The following BLTP2 variants were observed in gnomAD, a reference collection of about 807,000 sequenced individuals.
BLTP2 encodes U937-associated antigen.
the BLTP2 span, chr17:28,619,933 T>A: frequency 6.2e-7 from 1 of 1,614,150 alleles, no homozygotes; most frequent in Non-Finnish European, 8.5e-7. Flanking sequence ...CTCCTGCAAA[T>A]GCAGTATGCT....
At chr17:28,638,639 G>A in the BLTP2 span, 1 of 1,582,406 alleles carries the variant, frequency 6.3e-7, no homozygotes, top group Non-Finnish European at 8.7e-7. Context: ...TTTGGGGGAA[G>A]GTTCTGCATA....
chr17:28,619,590 G>T, the BLTP2 span: 1 of 1,602,932 alleles, frequency 6.2e-7, no homozygotes, highest in Non-Finnish European at 8.5e-7. Flanking sequence ...CAAAACATGG[G>T]CAAGAAAGAG....
At chr17:28,643,898 C>T in the BLTP2 span, among the ~76,000 whole-genome samples, 9 of 152,238 alleles carry the variant, frequency 5.9e-5, 1 homozygote, top group South Asian at 1.7e-3. Context: ...CAACTTGCAG[C>T]GTTCTCCAAC....
At chr17:28,627,970 T>C in the BLTP2 span, among the ~76,000 whole-genome samples, 3 of 152,110 alleles carry the variant, frequency 2.0e-5, no homozygotes, top group African/African-American at 7.2e-5. Context: ...CAACTCCCAT[T>C]TTCTTTTATT....
At chr17:28,637,188 T>C in the BLTP2 span, 5 of 1,608,738 alleles carry the variant, frequency 3.1e-6, no homozygotes, top group Non-Finnish European at 3.4e-6. Context: ...CCAGAAACCA[T>C]GTCAGCCTTG....
At chr17:28,615,751 G>T in the BLTP2 span, 3 of 1,613,992 alleles carry the variant, frequency 1.9e-6, no homozygotes, top group Non-Finnish European at 2.5e-6. Flanking sequence ...ACTCCAGACA[G>T]GGCAGCACCA....
the BLTP2 span, chr17:28,643,210 T>G: frequency 5.0e-6 from 8 of 1,614,076 alleles, no homozygotes; most frequent in Non-Finnish European, 6.8e-6. Flanking sequence ...CAGTTCCTTT[T>G]GATCCACCCC....
At chr17:28,631,062 G>C in the BLTP2 span, among the ~76,000 whole-genome samples, 1 of 152,176 alleles carries the variant, frequency 6.6e-6, no homozygotes, top group Non-Finnish European at 1.5e-5. Flanking sequence ...TACTCCTATG[G>C]ACTTTACTGT....
At chr17:28,643,099 TACCCATA>T in the BLTP2 span, 4 of 1,601,808 alleles carry the variant, frequency 2.5e-6, no homozygotes, top group Non-Finnish European at 3.4e-6. Flanking sequence ...CAGAAAAATC[TACCCATA>T]ACTCCAAAGC....
the BLTP2 span, among the ~76,000 whole-genome samples, chr17:28,627,848 A>G: frequency 1.3e-5 from 2 of 150,912 alleles, no homozygotes; most frequent in Non-Finnish European, 2.9e-5. Context: ...TTTAGTAGAG[A>G]TGGGGTTTTG....
At chr17:28,639,128 G>C in the BLTP2 span, 1 of 637,588 alleles carries the variant, frequency 1.6e-6, no homozygotes, top group East Asian at 2.7e-5. Context: ...AAAACAAAGA[G>C]GACAGCATTC....
chr17:28,621,353 C>T, the BLTP2 span: 1 of 1,529,564 alleles, frequency 6.5e-7, no homozygotes, highest in Non-Finnish European at 9.1e-7. Flanking sequence ...CTTTGGGATG[C>T]ACATCTGCTC....
the BLTP2 span, chr17:28,638,220 GC>G: frequency 6.2e-7 from 1 of 1,605,814 alleles, no homozygotes; most frequent in South Asian, 1.1e-5. Flanking sequence ...GGAAAGCTGT[GC>G]AGGCCCCTAT....
chr17:28,639,884 T>C, the BLTP2 span: 6 of 1,614,114 alleles, frequency 3.7e-6, no homozygotes, highest in South Asian at 1.1e-5. Context: ...TCAGTACCAG[T>C]ACCCCGACCC....
chr17:28,614,883 C>A, the BLTP2 span: 1 of 647,832 alleles, frequency 1.5e-6, no homozygotes, highest in South Asian at 2.0e-5. Flanking sequence ...CAGTGTGAGA[C>A]AGAACTCAGC....
the BLTP2 span, chr17:28,643,348 T>C: frequency 6.2e-7 from 1 of 1,612,432 alleles, no homozygotes; most frequent in Non-Finnish European, 8.5e-7. Flanking sequence ...ACCAGGTCCA[T>C]CCCTCCCATA....
the BLTP2 span, chr17:28,643,788 T>C: frequency 2.0e-6 from 2 of 976,746 alleles, no homozygotes; most frequent in Non-Finnish European, 3.2e-6. Flanking sequence ...AATCCCATCT[T>C]AAATTAGAAC....
chr17:28,618,072 A>G, the BLTP2 span, among the ~76,000 whole-genome samples: 1 of 151,154 alleles, frequency 6.6e-6, no homozygotes, highest in African/African-American at 2.4e-5. Context: ...AACTGGGACC[A>G]CAGGCGTGCA....
the BLTP2 span, among the ~76,000 whole-genome samples, chr17:28,641,612 G>A: frequency 1.3e-5 from 2 of 151,156 alleles, no homozygotes; most frequent in Non-Finnish European, 2.9e-5. Context: ...TTGCACTCCA[G>A]CCTGGGTGAC....
Sources: gnomAD v4.1 joint callset for allele counts (sites outside exome capture counted in the v4.1 genomes callset) on GRCh38, gnomAD v4.1.1 for gene constraint, MANE v1.5 for transcripts, NCBI Gene and HGNC (gene_info 2026-07-23, HGNC 2026-07-21) for gene names.